The following DLG2 variants were observed in gnomAD, a reference collection of about 807,000 sequenced individuals.
The protein encoded by DLG2 is disks large homolog 2.
A neutral mutation model predicts 132.5 loss-of-function variants in DLG2; 45 were observed. The ratio of observed to expected loss-of-function variants is 0.34; its 90% CI spans 0.27 to 0.44. The LOEUF is 0.44. Among genes scored for constraint, DLG2 ranks in the 20% least tolerant of loss-of-function variants. The pLI is 1.00. For synonymous variants in DLG2, 424 were observed against 419.6 expected (o/e 1.01, Z -0.13); for missense variants, 1,045 against 1,196.9 (o/e 0.87, Z 1.87).
chr11:85,141,300 T>C (rs921986528), intron 5 of DLG2, among the ~76,000 whole-genome samples: 8 of 151,898 alleles, frequency 5.3e-5, no homozygotes, highest in African/African-American at 1.9e-4. Context: ...TGTTTTGATT[T>C]GCATTTCTTG....
rs1347300088 is a variant in DLG2 at position 84,273,440 on chromosome 11, A to C, written c.520-22149T>G. 4.2e-6 allele frequency: 3 copies of C among 720,108 alleles called. No homozygotes were observed. The African/African-American group carries it at 5.8e-5, about 14-fold the overall frequency. The allele number at this position is 720,108 out of a possible 1,614,324, so 44.6% of individuals were successfully genotyped here. ...CATTTCTTTTGGGGGATAACTGGGC[A>C]TGACTTGAACAGAGACAGATGTTTT... On this transcript the variant is annotated intron_variant, in intron 7 of 27. Coordinates refer to ENST00000376104, the MANE Select transcript of DLG2 (RefSeq NM_001142699.3).
At chr11:85,424,085 G>T (rs973769073) in intron 3 of DLG2, among the ~76,000 whole-genome samples, 1 of 152,172 alleles carries the variant, frequency 6.6e-6, no homozygotes, top group Non-Finnish European at 1.5e-5. Context: ...CTTGCTAGGG[G>T]ACCCATTGCT....
At chr11:84,833,327 A>G (rs1008651755) in intron 6 of DLG2, among the ~76,000 whole-genome samples, 1 of 151,614 alleles carries the variant, frequency 6.6e-6, no homozygotes, top group Non-Finnish European at 1.5e-5. Context: ...TCAGAGCTTC[A>G]CTTCAGCAGG....
intron 7 of DLG2, among the ~76,000 whole-genome samples, chr11:84,462,453 C>T (rs1024151604): frequency 3.3e-5 from 5 of 151,050 alleles, no homozygotes; most frequent in African/African-American, 1.2e-4. Flanking sequence ...TAAGCATGTA[C>T]ATAAATCTAG....
intron 6 of DLG2, among the ~76,000 whole-genome samples, chr11:84,675,887 T>C (rs924403312): frequency 3.9e-5 from 6 of 152,056 alleles, no homozygotes; most frequent in Non-Finnish European, 7.4e-5. Context: ...TTCTCCTCCC[T>C]TGTCCACTTA....
At chr11:84,831,878 C>T (rs545320041) in intron 6 of DLG2, among the ~76,000 whole-genome samples, 3 of 151,610 alleles carry the variant, frequency 2.0e-5, no homozygotes, top group African/African-American at 4.8e-5. Context: ...GATACAGTGA[C>T]GACCTGCTCT....
chr11:83,907,440 A>G (rs973337478), intron 15 of DLG2, among the ~76,000 whole-genome samples: 3 of 152,164 alleles, frequency 2.0e-5, no homozygotes, highest in Admixed American at 2.0e-4. Context: ...CACTGAGTAA[A>G]TTAGGATGAT....
intron 17 of DLG2, among the ~76,000 whole-genome samples, chr11:83,807,843 A>T (rs1176257864): frequency 5.9e-5 from 9 of 152,182 alleles, no homozygotes; most frequent in Admixed American, 5.9e-4. Flanking sequence ...ATGCTTCGAA[A>T]GTAGCAGAGC....
rs866894759 is a variant in DLG2 at position 84,079,278 on chromosome 11, G to T, written c.749+19645C>A. ...CTATAATAGCTTCTATTTTTGGTTTGTTTTTTTTTTTGTTTTTCTTTTTGA... is the reference window on the plus strand; with the variant it reads ...CTATAATAGCTTCTATTTTTGGTTTTTTTTTTTTTTTGTTTTTCTTTTTGA... On this transcript the variant is annotated intron_variant, in intron 10 of 27. Coordinates refer to ENST00000376104, the MANE Select transcript of DLG2 (RefSeq NM_001142699.3). Among the ~76,000 whole-genome samples, 334 of 147,312 alleles carry T rather than the reference G, an allele frequency of 2.3e-3. 1 individual carries two copies. Among genetic ancestry groups the T allele is most frequent in the Middle Eastern group, 7.0e-3 (2 of 284 alleles).
At chr11:84,352,114 G>A (rs1291561760) in intron 7 of DLG2, among the ~76,000 whole-genome samples, 1 of 152,156 alleles carries the variant, frequency 6.6e-6, no homozygotes, top group Non-Finnish European at 1.5e-5. Flanking sequence ...AAGGAAAAAG[G>A]AAGATGGGTT....
chr11:85,021,890 T>A (rs2060107523), intron 6 of DLG2, among the ~76,000 whole-genome samples: 1 of 152,166 alleles, frequency 6.6e-6, no homozygotes, highest in Non-Finnish European at 1.5e-5. Flanking sequence ...TACAAAATTT[T>A]ATCATTTATT....
At position 84,689,683 on chromosome 11, in the gene DLG2, C is replaced by A. The variant is rs1157455147; in HGVS notation, c.358-154952G>T. On this transcript the variant is annotated intron_variant, in intron 6 of 27. Transcript: ENST00000376104. ...TCTCCAGGTACAATCAGTTATACGT[C>A]ATTTTGCTCATCATTAAAGCCAAAA... is the stretch of plus-strand genomic sequence containing the variant. Among the ~76,000 whole-genome samples, 4 of 152,104 alleles carry A rather than the reference C, an allele frequency of 2.6e-5. No homozygotes were observed. In the South Asian group the frequency reaches 8.3e-4, roughly 32 times the overall value.
chr11:85,301,538 T>C (rs1261317444), intron 3 of DLG2, among the ~76,000 whole-genome samples: 1 of 152,082 alleles, frequency 6.6e-6, no homozygotes, highest in Non-Finnish European at 1.5e-5. Context: ...TGAGTCTCGA[T>C]TATGCAGGGC....
intron 4 of DLG2, among the ~76,000 whole-genome samples, chr11:85,155,253 A>C (rs777630617): frequency 5.3e-5 from 8 of 152,208 alleles, no homozygotes; most frequent in Non-Finnish European, 8.8e-5. Flanking sequence ...TTGCACTGTA[A>C]AAATTGGGGC....
chr11:85,065,696 C>T (rs1011807029), intron 6 of DLG2, among the ~76,000 whole-genome samples: 1 of 150,930 alleles, frequency 6.6e-6, no homozygotes, highest in Admixed American at 6.6e-5. Context: ...GGAAATTAAA[C>T]AATCTGCTCC....
intron 6 of DLG2, among the ~76,000 whole-genome samples, chr11:85,049,829 G>C (rs927832915): frequency 6.6e-6 from 1 of 151,934 alleles, no homozygotes; most frequent in African/African-American, 2.4e-5. Context: ...CAAAACTTAG[G>C]GGGTAAAATG....
intron 3 of DLG2, among the ~76,000 whole-genome samples, chr11:85,408,502 C>T (rs1048308985): frequency 2.7e-5 from 4 of 150,042 alleles, no homozygotes; most frequent in Non-Finnish European, 5.9e-5. Context: ...CCCACTAACT[C>T]GTCATCTAGC....
chr11:84,175,268 C>T (rs2095929028), intron 8 of DLG2, among the ~76,000 whole-genome samples: 1 of 152,110 alleles, frequency 6.6e-6, no homozygotes, highest in Admixed American at 6.6e-5. Context: ...GATTTCTCTT[C>T]CCTGACATAC....
chr11:84,714,359 C>G (rs556239191), intron 6 of DLG2, among the ~76,000 whole-genome samples: 1 of 152,140 alleles, frequency 6.6e-6, no homozygotes, highest in South Asian at 2.1e-4. Flanking sequence ...GCAAACAAAA[C>G]TACTTCTCTG....
Sources: gnomAD v4.1 joint callset for allele counts (sites outside exome capture counted in the v4.1 genomes callset) on GRCh38, gnomAD v4.1.1 for gene constraint, MANE v1.5 for transcripts, NCBI Gene and HGNC (gene_info 2026-07-23, HGNC 2026-07-21) for gene names.